MTUS2: variants seen among roughly 807,000 people sequenced by gnomAD.
MTUS2 encodes microtubule-associated tumor suppressor candidate 2.
MTUS2 carries 40 observed loss-of-function variants against 114.1 expected under a neutral mutation model. The observed-to-expected ratio is 0.35, with a 90% CI of 0.27 to 0.46. The LOEUF is 0.46. Among genes scored for constraint, MTUS2 ranks in the 20% least tolerant of loss-of-function variants. MTUS2 has a pLI of 1.00. For synonymous variants in MTUS2, 688 were observed against 672.0 expected, an observed-to-expected ratio of 1.02 and a Z score of -0.37; for missense variants, 1,679 against 1,705.4, an observed-to-expected ratio of 0.98 and a Z score of 0.27.
intron 2 of MTUS2, among the ~76,000 whole-genome samples, chr13:29,020,303 A>G (rs761623344): frequency 8.9e-4 from 135 of 152,310 alleles, no homozygotes; most frequent in African/African-American, 3.0e-3. Context: ...GGTTTGTACC[A>G]TTGGTTGACC....
Position 29,480,133 on chromosome 13 carries a change from T to A in MTUS2, c.3185-17T>A. On this transcript the variant is annotated splice_polypyrimidine_tract_variant and intron_variant, in intron 9 of 15. Transcript: ENST00000612955. This position sits in a 1 kb window ranked among gnomAD's most constrained non-coding sequence, Gnocchi z 4.4. ...TACGGCCATTTTTTAAAGAAAGATCTTGTGCTTTGCGCCCAGCCTTCCATA... is the reference window on the plus strand; with the variant it reads ...TACGGCCATTTTTTAAAGAAAGATCATGTGCTTTGCGCCCAGCCTTCCATA... The A allele has an allele frequency of 6.4e-7, 1 of 1,551,608 alleles. No homozygotes were observed. The highest frequency in any genetic ancestry group is 8.7e-7 in the Non-Finnish European group (1 of 1,146,920).
intron 2 of MTUS2, among the ~76,000 whole-genome samples, chr13:28,882,083 G>A (rs1163225214): frequency 2.0e-5 from 3 of 151,532 alleles, no homozygotes; most frequent in East Asian, 1.9e-4. Flanking sequence ...TTTTTGAGAC[G>A]GAGTCTTGCT....
chr13:29,331,616 A>T (rs1290527532), intron 7 of MTUS2, among the ~76,000 whole-genome samples: 1 of 152,212 alleles, frequency 6.6e-6, no homozygotes, highest in African/African-American at 2.4e-5. Context: ...GTGGTGAGAG[A>T]GGGGATCCTT....
At position 29,332,927 on chromosome 13, in the gene MTUS2, G is replaced by A. The variant is rs970446322; in HGVS notation, c.2905+8216G>A. Among the ~76,000 whole-genome samples the A allele has an allele frequency of 9.2e-5, 14 of 151,640 alleles. No individual in the cohort carries two copies. In the East Asian group the frequency reaches 9.8e-4, roughly 11 times the overall value. ...TGGGATTACAGGCGTGAGCCACCGC[G>A]CCCGGCCTTCTCTAGTTCTTTTAAT... On this transcript the variant is annotated intron_variant, in intron 7 of 15. Coordinates refer to ENST00000612955, the MANE Select transcript of MTUS2 (RefSeq NM_001033602.4).
chr13:29,484,365 A>G (rs748362869), intron 10 of MTUS2: 1 of 152,248 alleles, frequency 6.6e-6, no homozygotes, highest in African/African-American at 2.4e-5. Flanking sequence ...CTCTAATCAA[A>G]TAGAAAGAGA....
chr13:29,440,932 T>C (rs191178841), intron 9 of MTUS2, among the ~76,000 whole-genome samples: 383 of 152,276 alleles, frequency 2.5e-3, no homozygotes, highest in Non-Finnish European at 4.6e-3. Context: ...GTGGACAGAA[T>C]AGTGAGATCC....
At position 28,899,555 on chromosome 13, in the gene MTUS2, G is replaced by A. The variant is rs532683258; in HGVS notation, c.-243+59705G>A. 1.3e-3 allele frequency among the ~76,000 whole-genome samples: 191 copies of A among 151,622 alleles called. 1 individual carries two copies. The highest frequency in any genetic ancestry group is 2.4e-3 in the Non-Finnish European group (161 of 67,854). On this transcript the variant is annotated intron_variant, in intron 2 of 15. Coordinates refer to ENST00000612955, the MANE Select transcript of MTUS2 (RefSeq NM_001033602.4). ...CTCCTGAGTAGCTGGGACTACAGGC[G>A]CCCACCACCACGCCTGGCTAATTTT... is the stretch of plus-strand genomic sequence containing the variant.
chr13:29,422,584 T>C (rs1285668709), intron 8 of MTUS2, among the ~76,000 whole-genome samples: 1 of 152,138 alleles, frequency 6.6e-6, no homozygotes, highest in Non-Finnish European at 1.5e-5. Flanking sequence ...ACCGCAAACT[T>C]TTTTAAATAT....
Position 29,503,460 on chromosome 13 carries a change from C to T in MTUS2, c.*254C>T, listed in dbSNP as rs1424500134. Reference sequence around the variant, plus strand: ...CAAAAGAAAGACACTTGCAATTGTTCTTGAGCAATGAACTTTCACTGCAGA... The same window carrying T: ...CAAAAGAAAGACACTTGCAATTGTTTTTGAGCAATGAACTTTCACTGCAGA... On this transcript the variant is annotated 3_prime_UTR_variant, in exon 16 of 16. Coordinates refer to ENST00000612955, the MANE Select transcript of MTUS2 (RefSeq NM_001033602.4). 1.7e-6 allele frequency: 1 copy of T among 577,624 alleles called. No individual in the cohort carries two copies. Among genetic ancestry groups the T allele is most frequent in the African/African-American group, 1.9e-5 (1 of 53,544 alleles). 35.8% of individuals were successfully genotyped at this position (577,624 alleles called of 1,614,324 possible).
chr13:29,175,289 A>G (rs530098727), intron 5 of MTUS2, among the ~76,000 whole-genome samples: 1 of 152,228 alleles, frequency 6.6e-6, no homozygotes. Flanking sequence ...ACAATAAAAC[A>G]TAAATATTTA....
At chr13:29,090,844 C>A (rs1889912266) in intron 4 of MTUS2, among the ~76,000 whole-genome samples, 1 of 152,196 alleles carries the variant, frequency 6.6e-6, no homozygotes, top group Non-Finnish European at 1.5e-5. Context: ...CATTCCCATG[C>A]CAAACCCTTT....
At chr13:29,492,909 G>C (rs1882294206) in intron 12 of MTUS2, among the ~76,000 whole-genome samples, 190 bp downstream of exon 12, 1 of 152,204 alleles carries the variant, frequency 6.6e-6, no homozygotes, top group African/African-American at 2.4e-5. Context: ...GATGCAAATA[G>C]TATCAGACAA....
At chr13:28,908,947 A>G (rs1479903317) in intron 2 of MTUS2, among the ~76,000 whole-genome samples, 1 of 151,626 alleles carries the variant, frequency 6.6e-6, no homozygotes, top group Admixed American at 6.6e-5. Context: ...TAAATAGGGA[A>G]TCCTTTCCCC....
At chr13:29,462,001 A>G (rs1392114343) in intron 9 of MTUS2, among the ~76,000 whole-genome samples, 2 of 152,156 alleles carry the variant, frequency 1.3e-5, no homozygotes, top group Non-Finnish European at 2.9e-5. Context: ...AGCTGGGAGA[A>G]GGGATTTCCA....
intron 5 of MTUS2, among the ~76,000 whole-genome samples, chr13:29,167,039 T>G (rs1281878720): frequency 1.3e-5 from 2 of 152,174 alleles, no homozygotes; most frequent in African/African-American, 4.8e-5. Context: ...AAGATATAAT[T>G]CTTGAGTATT....
chr13:28,941,467 A>G (rs1328369823), intron 2 of MTUS2, among the ~76,000 whole-genome samples: 1 of 152,110 alleles, frequency 6.6e-6, no homozygotes, highest in African/African-American at 2.4e-5. Flanking sequence ...ATAAACAAAA[A>G]CTTAAAAATA....
chr13:28,862,348 C>T (rs1046492636), intron 2 of MTUS2, among the ~76,000 whole-genome samples: 3 of 152,224 alleles, frequency 2.0e-5, no homozygotes, highest in African/African-American at 4.8e-5. Flanking sequence ...TGGTGGCTCA[C>T]GCCTTTAATC....
chr13:29,472,804 AAG>A (rs1376288717), intron 9 of MTUS2, among the ~76,000 whole-genome samples: 2 of 152,254 alleles, frequency 1.3e-5, no homozygotes, highest in African/African-American at 2.4e-5. Context: ...TGAGAATATA[AAG>A]TAGCCATAAA....
At position 28,906,588 on chromosome 13, in the gene MTUS2, G is replaced by T. The variant is rs1365420881; in HGVS notation, c.-243+66738G>T. ...TTTTGAGTGGGTTTCTTAATCCTGAGTTCTAGTTTGATTGCACTGTGGTCT... is the reference window on the plus strand; with the variant it reads ...TTTTGAGTGGGTTTCTTAATCCTGATTTCTAGTTTGATTGCACTGTGGTCT... On this transcript the variant is annotated intron_variant, in intron 2 of 15. Transcript: ENST00000612955. Among the ~76,000 whole-genome samples the T allele has an allele frequency of 1.3e-5, 2 of 151,630 alleles. 1 individual carries two copies. The highest frequency in any genetic ancestry group is 2.9e-5 in the Non-Finnish European group (2 of 67,936).
Sources: allele counts gnomAD v4.1 joint callset (sites outside exome capture counted in the v4.1 genomes callset), GRCh38; gene constraint gnomAD v4.1.1; non-coding constraint Gnocchi (gnomAD v3.1); transcripts MANE v1.5; gene names NCBI Gene and HGNC (gene_info 2026-07-23, HGNC 2026-07-21).